WFDC1: variants seen among roughly 807,000 people sequenced by gnomAD.
WFDC1 encodes WAP four-disulfide core domain 1.
WFDC1 carries 39 observed loss-of-function variants against 32.9 expected under a neutral mutation model. That is an observed-to-expected ratio of 1.19 (90% CI 0.92 to 1.55). WFDC1 has a LOEUF of 1.55. Ranked by LOEUF, WFDC1 falls within the 40% of genes most tolerant of loss-of-function variation. The pLI is 0.00. For missense variants in WFDC1, 386 were observed against 309.5 expected, an observed-to-expected ratio of 1.25 and a Z score of -1.85; for synonymous variants, 184 against 137.4, an observed-to-expected ratio of 1.34 and a Z score of -2.37.
chr16:84,324,752 T>C (rs1908489196), intron 5 of WFDC1, among the ~76,000 whole-genome samples: 1 of 152,132 alleles, frequency 6.6e-6, no homozygotes, highest in Non-Finnish European at 1.5e-5. Context: ...CTGATACCAC[T>C]CTTCCATTCA....
intron 1 of WFDC1, among the ~76,000 whole-genome samples, chr16:84,301,068 G>T (rs574857266): frequency 1.3e-3 from 203 of 152,236 alleles, no homozygotes; most frequent in African/African-American, 4.7e-3. Context: ...TCAGAGTGAT[G>T]TATCTACAAG....
intron 1 of WFDC1, among the ~76,000 whole-genome samples, chr16:84,300,299 AC>A (rs1906859591): frequency 6.6e-6 from 1 of 152,370 alleles, no homozygotes; most frequent in East Asian, 1.9e-4. Flanking sequence ...TGGCTTCTCA[AC>A]TTTGGTGGGA....
chr16:84,310,718 C>G (rs3785049), intron 1 of WFDC1, among the ~76,000 whole-genome samples: 92,408 of 152,030 alleles, frequency 0.61, 30,112 homozygotes, highest in Non-Finnish European at 0.74. Context: ...TGGGGCAGAG[C>G]CTACACGCTG....
chr16:84,305,488 G>T (rs865774406), intron 1 of WFDC1, among the ~76,000 whole-genome samples: 4 of 152,202 alleles, frequency 2.6e-5, no homozygotes, highest in African/African-American at 9.6e-5. Context: ...CACTGTTGCT[G>T]GTGGGTTTCT....
rs528114632 is a variant in WFDC1, at chr16:84,321,120, T to C, written c.562+1549T>C. Among the ~76,000 whole-genome samples the C allele has an allele frequency of 1.5e-3, 236 of 152,374 alleles. 2 individuals are homozygous for C. The highest frequency in any genetic ancestry group is 2.6e-3 in the Non-Finnish European group (175 of 68,034). On this transcript the variant is annotated intron_variant, in intron 4 of 6. Coordinates refer to ENST00000219454, the MANE Select transcript of WFDC1 (RefSeq NM_021197.4). The stretch of plus-strand genomic sequence containing the variant: ...GGGTGGCTTCTCCAGCCAGATAGCC[T>C]GGGCTGCCACAGCTACTCAGCCCCT...
At chr16:84,319,867 G>A (rs938616095) in intron 4 of WFDC1, among the ~76,000 whole-genome samples, 1 of 152,192 alleles carries the variant, frequency 6.6e-6, no homozygotes, top group African/African-American at 2.4e-5. Flanking sequence ...CTGAGCCTCA[G>A]TTTCCTCATC....
intron 1 of WFDC1, among the ~76,000 whole-genome samples, chr16:84,308,456 G>A (rs918451137): frequency 1.8e-4 from 27 of 152,186 alleles, no homozygotes; most frequent in African/African-American, 6.0e-4. Flanking sequence ...TAAAAATGAA[G>A]AATCATACTA....
At chr16:84,313,174 A>G in intron 2 of WFDC1, 21 bp downstream of exon 2, 1 of 1,397,946 alleles carries the variant, frequency 7.2e-7, no homozygotes, top group Non-Finnish European at 9.2e-7. Flanking sequence ...GGCCCGAGGG[A>G]GGGGGCTGAG....
At chr16:84,295,277 G>A (rs2151361039) in intron 1 of WFDC1, 162 bp downstream of exon 1, 1 of 882,202 alleles carries the variant, frequency 1.1e-6, no homozygotes, top group East Asian at 2.9e-5. Flanking sequence ...GTGGTGGGCA[G>A]ATGGGGCTCA....
chr16:84,318,524 C>A (rs970840961), intron 3 of WFDC1, 169 bp downstream of exon 3: 2 of 636,000 alleles, frequency 3.1e-6, no homozygotes, highest in Non-Finnish European at 5.7e-6. Flanking sequence ...GGGCTGATGG[C>A]TGGGGGCTTG....
At chr16:84,303,498 G>A (rs1907068801) in intron 1 of WFDC1, among the ~76,000 whole-genome samples, 1 of 151,696 alleles carries the variant, frequency 6.6e-6, no homozygotes, top group East Asian at 1.9e-4. Context: ...AAAAAGTCAG[G>A]CAACACAGAA....
At chr16:84,313,178 G>C in intron 2 of WFDC1, 25 bp downstream of exon 2, 1 of 1,399,290 alleles carries the variant, frequency 7.1e-7, no homozygotes. Context: ...CGAGGGAGGG[G>C]GCTGAGGGAG....
At chr16:84,319,780 T>G (rs1333993915) in intron 4 of WFDC1, among the ~76,000 whole-genome samples, 1 of 152,154 alleles carries the variant, frequency 6.6e-6, no homozygotes, top group Non-Finnish European at 1.5e-5. Context: ...CCGAAGCTCT[T>G]GAGCCAGCAG....
In WFDC1 at chr16:84,315,245, A is replaced by G. The variant is rs145316272; in HGVS notation, c.337+2092A>G. 2.9e-3 allele frequency among the ~76,000 whole-genome samples: 449 copies of G among 152,304 alleles called. 4 individuals carry two copies. Among genetic ancestry groups the G allele is most frequent in the African/African-American group, 0.01 (426 of 41,562 alleles). ...CTATTTCCAAAGGCCACTTTTCAGGAAAGATTTCCCTCTCTCAATGACAGC... is the reference window on the plus strand; with the variant it reads ...CTATTTCCAAAGGCCACTTTTCAGGGAAGATTTCCCTCTCTCAATGACAGC... On this transcript the variant is annotated intron_variant, in intron 2 of 6. Coordinates refer to ENST00000219454, the MANE Select transcript of WFDC1 (RefSeq NM_021197.4).
chr16:84,304,019 C>T (rs16963344), intron 1 of WFDC1, among the ~76,000 whole-genome samples: 4 of 152,212 alleles, frequency 2.6e-5, no homozygotes, highest in African/African-American at 9.7e-5. Context: ...GGATCGACAT[C>T]TTCCTTTCTA....
chr16:84,299,788 G>C (rs565265107), intron 1 of WFDC1, among the ~76,000 whole-genome samples: 1 of 152,336 alleles, frequency 6.6e-6, no homozygotes, highest in South Asian at 2.1e-4. Context: ...GGTTCAGTTT[G>C]CACCCTGCCC....
At chr16:84,326,514 G>A (rs1487055242) in intron 5 of WFDC1, 1 of 224,882 alleles carries the variant, frequency 4.4e-6, no homozygotes, top group South Asian at 9.3e-5. Flanking sequence ...TCCAGGTTGT[G>A]AGAAAAGGCT....
At chr16:84,318,074 G>C in intron 2 of WFDC1, 198 bp from the exon 3 acceptor site, 1 of 560,234 alleles carries the variant, frequency 1.8e-6, no homozygotes, top group South Asian at 1.9e-5. Flanking sequence ...CTAGTCCCCA[G>C]CTTTGTGGCC....
At chr16:84,309,283 T>C (rs1367584217) in intron 1 of WFDC1, among the ~76,000 whole-genome samples, 12 of 151,966 alleles carry the variant, frequency 7.9e-5, no homozygotes, top group Admixed American at 5.2e-4. Context: ...AAAAGTAACA[T>C]GTACCTGGTT....
Sources: allele counts gnomAD v4.1 joint callset (sites outside exome capture counted in the v4.1 genomes callset), GRCh38; gene constraint gnomAD v4.1.1; transcripts MANE v1.5; gene names NCBI Gene and HGNC (gene_info 2026-07-23, HGNC 2026-07-21).